The following STIM2 variants were observed in gnomAD, a reference collection of about 807,000 sequenced individuals.
STIM2 encodes the protein stromal interaction molecule 2.
STIM2 carries 31 observed loss-of-function variants against 85.8 expected under a neutral mutation model. The ratio of observed to expected loss-of-function variants is 0.36; its 90% CI spans 0.27 to 0.49. The LOEUF (loss-of-function observed/expected upper bound fraction) is 0.49. STIM2 is among the 20% of genes least tolerant of loss of function. The pLI is 0.98. For missense variants in STIM2, 841 were observed against 927.6 expected (o/e 0.91, Z 1.21); for synonymous variants, 356 against 331.1 (o/e 1.08, Z -0.82).
intron 1 of STIM2, among the ~76,000 whole-genome samples, chr4:26,883,345 TAAAG>T (rs1340910959): frequency 1.3e-5 from 2 of 152,040 alleles, no homozygotes; most frequent in African/African-American, 2.4e-5. Context: ...GGGTTAAAAA[TAAAG>T]AGATAATCAC....
rs13108274 is a variant in STIM2 at position 26,959,648 on chromosome 4, T to A, written c.397+1922T>A. Among the ~76,000 whole-genome samples, 477 of 152,306 alleles carry A rather than the reference T, an allele frequency of 3.1e-3. 3 individuals are homozygous for A. The highest frequency in any genetic ancestry group is 5.7e-3 in the Non-Finnish European group (387 of 68,020). Reference sequence around the variant, plus strand: ...AGGACTCTATTCTTAAACTCCTTTTTGTTTTCCCACCCTAGTGACTTTGGT... The same window carrying A: ...AGGACTCTATTCTTAAACTCCTTTTAGTTTTCCCACCCTAGTGACTTTGGT... On this transcript the variant is annotated intron_variant, in intron 3 of 11. Coordinates refer to ENST00000467087, the MANE Select transcript of STIM2 (RefSeq NM_020860.4).
At chr4:26,878,467 C>T (rs913701539) in intron 1 of STIM2, among the ~76,000 whole-genome samples, 3 of 152,132 alleles carry the variant, frequency 2.0e-5, no homozygotes, top group Non-Finnish European at 4.4e-5. Context: ...TTACTTCTAT[C>T]TCTCCCCTAG....
At chr4:26,941,869 G>T (rs1362386248) in intron 2 of STIM2, among the ~76,000 whole-genome samples, 1 of 151,994 alleles carries the variant, frequency 6.6e-6, no homozygotes, top group Non-Finnish European at 1.5e-5. Flanking sequence ...ATAGTTTGAT[G>T]AATTTTGAAA....
intron 1 of STIM2, among the ~76,000 whole-genome samples, chr4:26,917,783 T>C (rs1414085805): frequency 6.6e-6 from 1 of 152,182 alleles, no homozygotes; most frequent in Non-Finnish European, 1.5e-5. Flanking sequence ...CTTTAGCAGA[T>C]TAAACTATGT....
At chr4:26,896,838 A>G (rs1234319247) in intron 1 of STIM2, among the ~76,000 whole-genome samples, 1 of 152,206 alleles carries the variant, frequency 6.6e-6, no homozygotes, top group Non-Finnish European at 1.5e-5. Context: ...CTGTCATCAC[A>G]AAGGAATTCC....
At chr4:26,871,126 G>GCATC (rs1722595647) in intron 1 of STIM2, among the ~76,000 whole-genome samples, 1 of 152,134 alleles carries the variant, frequency 6.6e-6, no homozygotes, top group African/African-American at 2.4e-5. Flanking sequence ...CAGTGCAGCA[G>GCATC]CATCCATATT....
At chr4:26,877,136 A>G (rs565440497) in intron 1 of STIM2, among the ~76,000 whole-genome samples, 1 of 152,108 alleles carries the variant, frequency 6.6e-6, no homozygotes. Flanking sequence ...AATTAAGTAT[A>G]TGTTAGACTG....
intron 3 of STIM2, among the ~76,000 whole-genome samples, chr4:26,960,674 G>T: frequency 6.6e-6 from 1 of 152,186 alleles, no homozygotes; most frequent in East Asian, 1.9e-4. Flanking sequence ...TTAAAATTTT[G>T]GACTTAAAAA....
At chr4:26,951,434 G>C (rs934871641) in intron 2 of STIM2, among the ~76,000 whole-genome samples, 3 of 152,078 alleles carry the variant, frequency 2.0e-5, no homozygotes, top group Non-Finnish European at 4.4e-5. Flanking sequence ...ATTCTCTCCA[G>C]GAACTCATTT....
At chr4:26,916,658 T>C (rs1300398211) in intron 1 of STIM2, among the ~76,000 whole-genome samples, 1 of 152,194 alleles carries the variant, frequency 6.6e-6, no homozygotes, top group Non-Finnish European at 1.5e-5. Flanking sequence ...TAGCAGTCTC[T>C]ACCTGATCTT....
Position 27,008,885 on chromosome 4 carries a change from C to G in STIM2, c.1372C>G (p.Leu458Val). 1 of 1,614,170 alleles carries G rather than the reference C, an allele frequency of 6.2e-7. No individual in the cohort carries two copies. Among genetic ancestry groups the G allele is most frequent in the Non-Finnish European group, 8.5e-7 (1 of 1,180,022 alleles). Residue 458 changes from leucine (L) to valine (V), a missense_variant, in exon 10 of 12, where the codon CTT becomes GTT. By Grantham distance (32) the Leu-to-Val change is conservative. Around this residue, in one of 3 missense-constraint regions of STIM2, gnomAD observed 408 missense variants for 525.4 expected, o/e 0.78. Coordinates refer to ENST00000467087, the MANE Select transcript of STIM2 (RefSeq NM_020860.4). Reference sequence around the variant, plus strand: ...AGGACTCCCCAGCCTGACCTCTTCCCTTTATTCTGATCACAGCTGGGTGGT... The same window carrying G: ...AGGACTCCCCAGCCTGACCTCTTCCGTTTATTCTGATCACAGCTGGGTGGT...
At chr4:26,909,182 C>T (rs1056136917) in intron 1 of STIM2, among the ~76,000 whole-genome samples, 4 of 152,174 alleles carry the variant, frequency 2.6e-5, no homozygotes, top group African/African-American at 7.2e-5. Flanking sequence ...CCGACTGTGT[C>T]GTTTATTAAC....
chr4:26,942,941 A>T (rs1323913030), intron 2 of STIM2, among the ~76,000 whole-genome samples: 1 of 152,100 alleles, frequency 6.6e-6, no homozygotes, highest in African/African-American at 2.4e-5. Flanking sequence ...TCTATTAGTC[A>T]TCTTAAATTT....
intron 2 of STIM2, among the ~76,000 whole-genome samples, chr4:26,954,478 A>T (rs566262302): frequency 6.7e-6 from 1 of 148,370 alleles, no homozygotes; most frequent in Admixed American, 6.6e-5. Flanking sequence ...CTATTTTCAG[A>T]TTTCTCAATT....
chr4:26,992,259 C>T (rs1017752245), intron 3 of STIM2, among the ~76,000 whole-genome samples: 1 of 152,122 alleles, frequency 6.6e-6, no homozygotes, highest in Non-Finnish European at 1.5e-5. Flanking sequence ...CATTCAACAG[C>T]ATCCAACAAA....
chr4:26,921,321 A>G (rs1206778722), intron 2 of STIM2, among the ~76,000 whole-genome samples: 1 of 152,256 alleles, frequency 6.6e-6, no homozygotes, highest in Admixed American at 6.5e-5. Flanking sequence ...TCTAGCCTTC[A>G]GATCTGTAAG....
chr4:26,904,573 G>A (rs1305236685), intron 1 of STIM2, among the ~76,000 whole-genome samples: 1 of 152,136 alleles, frequency 6.6e-6, no homozygotes, highest in Non-Finnish European at 1.5e-5. Context: ...GTAATGTTGA[G>A]GTTATAGGTG....
At chr4:26,979,397 CA>C (rs1303676469) in intron 3 of STIM2, among the ~76,000 whole-genome samples, 1 of 152,118 alleles carries the variant, frequency 6.6e-6, no homozygotes, top group Non-Finnish European at 1.5e-5. Flanking sequence ...TAACCACTCT[CA>C]AAAGAGAAAT....
In STIM2 at chr4:27,024,533, T is replaced by G. The variant is rs1729020424; in HGVS notation, c.*1537T>G. 6.6e-6 allele frequency: 1 copy of G among 152,248 alleles called. No individual in the cohort carries two copies. The highest frequency in any genetic ancestry group is 2.4e-5 in the African/African-American group (1 of 41,466). The allele number at this position is 152,248 out of a possible 1,614,324, so 9.4% of individuals were successfully genotyped here. On this transcript the variant is annotated 3_prime_UTR_variant, in exon 12 of 12. Coordinates refer to ENST00000467087, the MANE Select transcript of STIM2 (RefSeq NM_020860.4). ...GATTTGCTTTAAAGAAATGCTTTAG[T>G]AAGAATATGAACAATTTCCTGATGT...
Sources: gnomAD v4.1 joint callset for allele counts (sites outside exome capture counted in the v4.1 genomes callset) on GRCh38, gnomAD v4.1.1 for gene constraint, gnomAD v4.1.1 regional missense constraint, MANE v1.5 for transcripts, NCBI Gene and HGNC (gene_info 2026-07-23, HGNC 2026-07-21) for gene names.